The following ATP8A1 variants were observed in gnomAD, a reference collection of about 807,000 sequenced individuals.
ATP8A1 encodes the protein phospholipid-transporting ATPase IA.
In ATP8A1, 90 loss-of-function variants were observed where a neutral mutation model predicts 177.7. That is an observed-to-expected ratio of 0.51 (90% CI 0.43 to 0.60). The LOEUF (loss-of-function observed/expected upper bound fraction) is 0.60, where lower values mean the gene tolerates loss of function less well. ATP8A1 is among the 20% of genes least tolerant of loss of function. The probability of loss-of-function intolerance (pLI) is 0.00; values close to 1 mark genes in which losing one functional copy is unlikely to be tolerated. For missense variants in ATP8A1, 1,072 were observed against 1,392.8 expected (o/e 0.77, Z 3.67); for synonymous variants, 493 against 485.9 (o/e 1.01, Z -0.19).
In ATP8A1 at chr4:42,409,120, G is replaced by A. The variant is rs1025980795; in HGVS notation, c.*3796C>T. 2.4e-4 allele frequency: 37 copies of A among 152,112 alleles called. No homozygotes were observed. The highest frequency in any genetic ancestry group is 7.5e-4 in the African/African-American group (31 of 41,436). 9.4% of individuals were successfully genotyped at this position (152,112 alleles called of 1,614,324 possible). A position where few individuals can be genotyped will look rare whatever the true frequency, so the allele number is the denominator to read the frequency against. Reference sequence around the variant, plus strand: ...CTGAATTTTAAATTCCAGGTAGGCCGTGATAGAACTTTACAAGGCAGAAAT... The same window carrying A: ...CTGAATTTTAAATTCCAGGTAGGCCATGATAGAACTTTACAAGGCAGAAAT... On this transcript the variant is annotated 3_prime_UTR_variant, in exon 37 of 37. Transcript: ENST00000381668.
chr4:42,639,778 G>A (rs751134164), intron 1 of ATP8A1, among the ~76,000 whole-genome samples: 1 of 152,178 alleles, frequency 6.6e-6, no homozygotes, highest in Non-Finnish European at 1.5e-5. Context: ...TTTAGTCATC[G>A]TTCAGTATGC....
intron 16 of ATP8A1, among the ~76,000 whole-genome samples, chr4:42,555,610 T>C (rs7671271): frequency 6.6e-6 from 1 of 151,860 alleles, no homozygotes; most frequent in East Asian, 1.9e-4. Context: ...GATCACCTGA[T>C]GTCAGGAGTT....
At chr4:42,646,517 C>T (rs1026443142) in intron 1 of ATP8A1, among the ~76,000 whole-genome samples, 1 of 152,198 alleles carries the variant, frequency 6.6e-6, no homozygotes, top group African/African-American at 2.4e-5. Flanking sequence ...CCACAGGGAC[C>T]TAGGTCAATT....
At chr4:42,522,476 CT>C (rs1726235343) in intron 21 of ATP8A1, among the ~76,000 whole-genome samples, 177 bp from the exon 22 acceptor site, 1 of 152,170 alleles carries the variant, frequency 6.6e-6, no homozygotes, top group Admixed American at 6.5e-5. Context: ...TAATGTTCCC[CT>C]GGTCTTTAAA....
chr4:42,624,652 A>C lies in ATP8A1; in HGVS notation c.265-18T>G. ...GGTATTTGCTGTTTGGAAAAAAAAA[A>C]AAAAGAGAAATCCAATGAGAACTAG... On this transcript the variant is annotated intron_variant, in intron 3 of 36. Transcript: ENST00000381668. 1 of 1,320,858 alleles carries C rather than the reference A, an allele frequency of 7.6e-7. No individual in the cohort carries two copies. The highest frequency in any genetic ancestry group is 1.0e-6 in the Non-Finnish European group (1 of 989,940). The allele number at this position is 1,320,858 out of a possible 1,614,324, so 81.8% of individuals were successfully genotyped here.
chr4:42,502,825 C>A (rs978731176), intron 24 of ATP8A1, among the ~76,000 whole-genome samples: 1 of 152,202 alleles, frequency 6.6e-6, no homozygotes, highest in Non-Finnish European at 1.5e-5. Flanking sequence ...TGTCTTCCAC[C>A]TAAAATAACA....
At chr4:42,459,920 T>A (rs1339221793) in intron 27 of ATP8A1, among the ~76,000 whole-genome samples, 2 of 152,178 alleles carry the variant, frequency 1.3e-5, no homozygotes, top group African/African-American at 2.4e-5. Flanking sequence ...GCCTCCCAAG[T>A]AGCTGGGACT....
At chr4:42,566,377 A>ATC (rs1178222873) in intron 15 of ATP8A1, among the ~76,000 whole-genome samples, 1 of 152,184 alleles carries the variant, frequency 6.6e-6, no homozygotes, top group Non-Finnish European at 1.5e-5. Flanking sequence ...TTATAGAGTC[A>ATC]TCTATACTCT....
rs142389324 is a variant in ATP8A1 at position 42,467,376 on chromosome 4, T to C, written c.2325-2300A>G. Among the ~76,000 whole-genome samples, 63 of 152,274 alleles carry C rather than the reference T, an allele frequency of 4.1e-4. No individual in the cohort carries two copies. In the East Asian group the frequency reaches 0.012, roughly 28 times the overall value. On this transcript the variant is annotated intron_variant, in intron 25 of 36. Coordinates refer to ENST00000381668, the MANE Select transcript of ATP8A1 (RefSeq NM_006095.2). ...ACTGCAGCTGCTACTAGCCAGAGCA[T>C]CTGCTTCCATTACCAAGCTTTAAAA... is the stretch of plus-strand genomic sequence containing the variant.
intron 22 of ATP8A1, 93 bp downstream of exon 22, chr4:42,522,067 T>C (rs1726185209): frequency 2.1e-6 from 3 of 1,403,648 alleles, no homozygotes; most frequent in East Asian, 2.3e-5. Context: ...TATGTCAAGA[T>C]ATTTTGATTT....
rs1490985453 is a variant in ATP8A1, at chr4:42,412,913, C to G, written c.*3G>C. On this transcript the variant is annotated 3_prime_UTR_variant, in exon 37 of 37. Coordinates refer to ENST00000381668, the MANE Select transcript of ATP8A1 (RefSeq NM_006095.2). ...ACAGAGCCTGCCTTTCAGGCTCTCCCCATCACCATTCGTCGGGCCTCTGTT... is the reference window on the plus strand; with the variant it reads ...ACAGAGCCTGCCTTTCAGGCTCTCCGCATCACCATTCGTCGGGCCTCTGTT... 6.2e-7 allele frequency: 1 copy of G among 1,612,812 alleles called. No individual in the cohort carries two copies. The highest frequency in any genetic ancestry group is 2.2e-5 in the East Asian group (1 of 44,874).
At chr4:42,519,326 C>T (rs1195681488) in intron 22 of ATP8A1, among the ~76,000 whole-genome samples, 2 of 152,188 alleles carry the variant, frequency 1.3e-5, no homozygotes, top group Non-Finnish European at 2.9e-5. Context: ...AACTCCTGGG[C>T]TCAATGATCC....
intron 1 of ATP8A1, among the ~76,000 whole-genome samples, chr4:42,649,147 A>C (rs1740838711): frequency 6.6e-6 from 1 of 152,198 alleles, no homozygotes; most frequent in Non-Finnish European, 1.5e-5. Context: ...ATGTCCACCC[A>C]CAGGGTTCTT....
chr4:42,585,218 T>C (rs192073361), intron 9 of ATP8A1, among the ~76,000 whole-genome samples: 3 of 152,226 alleles, frequency 2.0e-5, no homozygotes, highest in Admixed American at 1.3e-4. Flanking sequence ...TAACAAAAAG[T>C]TGTTCCCTTC....
intron 14 of ATP8A1, among the ~76,000 whole-genome samples, chr4:42,570,026 G>A (rs1441180900): frequency 6.6e-6 from 1 of 152,074 alleles, no homozygotes. Context: ...AAAATGCAGA[G>A]TTCAGTACAA....
chr4:42,434,107 G>A (rs1490200123), intron 33 of ATP8A1, among the ~76,000 whole-genome samples: 1 of 151,964 alleles, frequency 6.6e-6, no homozygotes, highest in African/African-American at 2.4e-5. Flanking sequence ...AACATAATTC[G>A]TTTTATTTTA....
In ATP8A1 at chr4:42,616,016, G is replaced by A; in HGVS notation, c.409+17C>T. On this transcript the variant is annotated intron_variant, in intron 5 of 36. Coordinates refer to ENST00000381668, the MANE Select transcript of ATP8A1 (RefSeq NM_006095.2). The stretch of plus-strand genomic sequence containing the variant: ...TAGGTTTGACAAATATGAGAAAAAA[G>A]CATGTAAAATTCCTACCTTGCGTTT... 1 of 1,607,562 alleles carries A rather than the reference G, an allele frequency of 6.2e-7. No individual in the cohort carries two copies. Among genetic ancestry groups the A allele is most frequent in the African/African-American group, 1.3e-5 (1 of 74,822 alleles).
intron 34 of ATP8A1, 29 bp downstream of exon 34, chr4:42,423,588 T>A: frequency 1.4e-6 from 2 of 1,475,598 alleles, no homozygotes; most frequent in Non-Finnish European, 1.9e-6. Context: ...CATCTATATT[T>A]CTCCGTATAT....
chr4:42,568,575 T>C (rs1005801829), intron 15 of ATP8A1, among the ~76,000 whole-genome samples: 1 of 152,150 alleles, frequency 6.6e-6, no homozygotes, highest in Non-Finnish European at 1.5e-5. Flanking sequence ...AATAGTGAAA[T>C]TAAACCCATA....
Sources: gnomAD v4.1 joint callset for allele counts (sites outside exome capture counted in the v4.1 genomes callset) on GRCh38, gnomAD v4.1.1 for gene constraint, MANE v1.5 for transcripts, NCBI Gene and HGNC (gene_info 2026-07-23, HGNC 2026-07-21) for gene names.